Variants in PLCXD3 observed in about 807,000 individuals in gnomAD.
PLCXD3 encodes phosphatidylinositol specific phospholipase C X domain containing 3.
PLCXD3 carries 19 observed loss-of-function variants against 25.5 expected under a neutral mutation model. The observed-to-expected ratio is 0.75, with a 90% confidence interval of 0.52 to 1.09. The LOEUF is 1.09. PLCXD3 is among the 50% of genes least tolerant of loss of function. PLCXD3 has a pLI of 0.00. For missense variants in PLCXD3, 411 were observed against 388.1 expected (o/e 1.06, Z -0.50); for synonymous variants, 174 against 137.6 (o/e 1.26, Z -1.85).
Position 41,510,404 on chromosome 5 carries a change from C to A in PLCXD3, c.103+20G>T. On this transcript the variant is annotated intron_variant, in intron 1 of 2. Coordinates refer to ENST00000377801, the MANE Select transcript of PLCXD3 (RefSeq NM_001005473.3). ...TGGAGCGGGCGCCGAGCGCCTAGCC[C>A]GCAGCCCCTGCGCGCCTACCTGGAA... The A allele has an allele frequency of 6.3e-7, 1 of 1,591,604 alleles. No individual in the cohort carries two copies. The highest frequency in any genetic ancestry group is 8.6e-7 in the Non-Finnish European group (1 of 1,168,622).
intron 1 of PLCXD3, among the ~76,000 whole-genome samples, chr5:41,470,207 T>A (rs1389285680): frequency 6.6e-6 from 1 of 152,146 alleles, no homozygotes; most frequent in East Asian, 1.9e-4. Flanking sequence ...AATTATGATA[T>A]TTTGAAAGAA....
At chr5:41,384,314 A>G (rs1426844318) in intron 1 of PLCXD3, among the ~76,000 whole-genome samples, 2 of 152,140 alleles carry the variant, frequency 1.3e-5, no homozygotes, top group Non-Finnish European at 2.9e-5. Context: ...TGCTAATTGA[A>G]GTGAAAGCTA....
intron 1 of PLCXD3, among the ~76,000 whole-genome samples, chr5:41,405,486 C>G (rs555101356): frequency 6.6e-6 from 1 of 152,234 alleles, no homozygotes; most frequent in South Asian, 2.1e-4. Flanking sequence ...GTTATGTTCA[C>G]TAAATTGTTT....
chr5:41,505,067 C>T (rs1277165621), intron 1 of PLCXD3, among the ~76,000 whole-genome samples: 15 of 152,078 alleles, frequency 9.9e-5, no homozygotes, highest in Non-Finnish European at 8.8e-5. Flanking sequence ...ATAATTTGCT[C>T]TTTCTGTTCT....
At chr5:41,449,306 A>G (rs534454331) in intron 1 of PLCXD3, among the ~76,000 whole-genome samples, 2 of 152,334 alleles carry the variant, frequency 1.3e-5, no homozygotes, top group South Asian at 4.1e-4. Flanking sequence ...GAATGACTAA[A>G]CAAGATTGAT....
chr5:41,392,880 G>T (rs1433703113), intron 1 of PLCXD3, among the ~76,000 whole-genome samples: 1 of 152,118 alleles, frequency 6.6e-6, no homozygotes, highest in Non-Finnish European at 1.5e-5. Context: ...TAATTAAAAA[G>T]AATCCAGCTG....
intron 1 of PLCXD3, among the ~76,000 whole-genome samples, chr5:41,461,546 T>C (rs1172011915): frequency 6.6e-6 from 1 of 152,008 alleles, no homozygotes; most frequent in Non-Finnish European, 1.5e-5. Flanking sequence ...CAGGAGCATT[T>C]GTCATCACTG....
chr5:41,500,450 T>G (rs752749449), intron 1 of PLCXD3, among the ~76,000 whole-genome samples: 1 of 151,730 alleles, frequency 6.6e-6, no homozygotes, highest in Admixed American at 6.6e-5. Context: ...AAGGGAGAGA[T>G]AATGAGAAAT....
chr5:41,313,024 T>A lies in PLCXD3; in HGVS notation c.*593A>T, dbSNP rs564510136. The A allele has an allele frequency of 6.5e-6, 1 of 152,738 alleles. No homozygotes were observed. The highest frequency in any genetic ancestry group is 1.9e-4 in the East Asian group (1 of 5,178). The allele number at this position is 152,738 out of a possible 1,614,324, so 9.5% of individuals were successfully genotyped here. A position where few individuals can be genotyped will look rare whatever the true frequency, so the allele number is the denominator to read the frequency against. On this transcript the variant is annotated 3_prime_UTR_variant, in exon 3 of 3. Transcript: ENST00000377801. ...ATTATTTTCATATAACAAAAATCAC[T>A]GATTATGACCTTCAATATTACTGAT... is the stretch of plus-strand genomic sequence containing the variant.
chr5:41,382,074 G>C lies in PLCXD3; in HGVS notation c.564C>G (p.Asp188Glu), dbSNP rs752100544. The change falls in exon 2 of 3, where the codon GAC becomes GAG. Residue 188 changes from aspartate (D) to glutamate (E), a missense_variant. Asp to Glu is a conservative substitution (Grantham distance 45). Coordinates refer to ENST00000377801, the MANE Select transcript of PLCXD3 (RefSeq NM_001005473.3). Reference sequence around the variant, plus strand: ...TATGGTAGAAGACCAGCACTTGATAGTCCTTCTCCCACAGGTACTTTAAAC... The same window carrying C: ...TATGGTAGAAGACCAGCACTTGATACTCCTTCTCCCACAGGTACTTTAAAC... ...EVSLKYLWEK[D>E]YQVLVFYHSP... is the part of the protein sequence containing the mutation. The C allele has an allele frequency of 1.2e-6, 2 of 1,613,578 alleles. No individual in the cohort carries two copies. Among genetic ancestry groups the C allele is most frequent in the African/African-American group, 2.7e-5 (2 of 74,868 alleles).
rs79213396 is a variant in PLCXD3 at position 41,455,339 on chromosome 5, C to T, written c.103+55085G>A. 7.2e-3 allele frequency among the ~76,000 whole-genome samples: 1,093 copies of T among 152,022 alleles called. 2 individuals carry two copies. Among genetic ancestry groups the T allele is most frequent in the Non-Finnish European group, 0.011 (775 of 67,932 alleles). ...TGAGGACTTTCATTTATTTATTCTTCCGTTAACCTGACTCTCCCTATTTCC... is the reference window on the plus strand; with the variant it reads ...TGAGGACTTTCATTTATTTATTCTTTCGTTAACCTGACTCTCCCTATTTCC... On this transcript the variant is annotated intron_variant, in intron 1 of 2. Transcript: ENST00000377801.
At chr5:41,497,045 G>A (rs1244010741) in intron 1 of PLCXD3, among the ~76,000 whole-genome samples, 4 of 149,360 alleles carry the variant, frequency 2.7e-5, no homozygotes, top group African/African-American at 7.4e-5. Flanking sequence ...TGGTAGCCAC[G>A]AAGAAAAAAT....
At chr5:41,343,972 T>C (rs1744232714) in intron 2 of PLCXD3, among the ~76,000 whole-genome samples, 1 of 152,160 alleles carries the variant, frequency 6.6e-6, no homozygotes, top group Admixed American at 6.5e-5. Flanking sequence ...TGTATTGCTT[T>C]TTTTTCTTAC....
intron 1 of PLCXD3, among the ~76,000 whole-genome samples, chr5:41,438,618 C>A (rs1296046502): frequency 6.6e-6 from 1 of 152,106 alleles, no homozygotes; most frequent in East Asian, 1.9e-4. Context: ...TCCTTTTTCC[C>A]TTTTCACCCA....
Position 41,309,238 on chromosome 5 carries a change from T to C in PLCXD3, c.*4379A>G, listed in dbSNP as rs1743069035. ...ATTACACAATTTTCAACAGATTCAA[T>C]TGACATGTTTTACAAATTCTACAGA... On this transcript the variant is annotated 3_prime_UTR_variant, in exon 3 of 3. Transcript: ENST00000377801. The C allele has an allele frequency of 6.6e-6, 1 of 152,568 alleles. No individual in the cohort carries two copies. 9.5% of individuals were successfully genotyped at this position (152,568 alleles called of 1,614,324 possible). A position where few individuals can be genotyped will look rare whatever the true frequency, so the allele number is the denominator to read the frequency against.
At position 41,386,981 on chromosome 5, in the gene PLCXD3, T is replaced by TTTGTTAAG; in HGVS notation, c.104-4448_104-4447insCTTAACAA. Among the ~76,000 whole-genome samples the TTTGTTAAG allele has an allele frequency of 2.0e-5, 3 of 152,056 alleles. No individual in the cohort carries two copies. In the East Asian group the frequency reaches 5.8e-4, roughly 30 times the overall value. The stretch of plus-strand genomic sequence containing the variant: ...ATTAAAATCTTAACTTTTTGTTAAG[T>TTTGTTAAG]TTAGTATATGAGCCTTTATTTCTGG... On this transcript the variant is annotated intron_variant, in intron 1 of 2. Transcript: ENST00000377801.
chr5:41,436,878 T>G (rs1747267301), intron 1 of PLCXD3, among the ~76,000 whole-genome samples: 1 of 152,202 alleles, frequency 6.6e-6, no homozygotes, highest in Admixed American at 6.5e-5. Flanking sequence ...TAATTTCATG[T>G]ATTCTATACT....
intron 1 of PLCXD3, among the ~76,000 whole-genome samples, chr5:41,503,131 T>G: frequency 6.6e-6 from 1 of 152,310 alleles, no homozygotes; most frequent in African/African-American, 2.4e-5. Flanking sequence ...GCATTGAAGA[T>G]AAGTCCTATC....
intron 1 of PLCXD3, among the ~76,000 whole-genome samples, chr5:41,480,999 G>A (rs1040521477): frequency 8.6e-5 from 13 of 151,230 alleles, no homozygotes; most frequent in Admixed American, 5.3e-4. Flanking sequence ...TTTCTGAAAG[G>A]GGTCAAATTA....
Sources: allele counts gnomAD v4.1 joint callset (sites outside exome capture counted in the v4.1 genomes callset), GRCh38; gene constraint gnomAD v4.1.1; transcripts MANE v1.5; gene names NCBI Gene and HGNC (gene_info 2026-07-23, HGNC 2026-07-21).